Variants in COL17A1 observed in about 807,000 individuals in gnomAD.
The protein encoded by COL17A1 is collagen type XVII alpha 1 chain.
In COL17A1, 181 loss-of-function variants were observed where a neutral mutation model predicts 218.4. The ratio of observed to expected loss-of-function variants is 0.83; its 90% CI spans 0.73 to 0.94. COL17A1 has a LOEUF of 0.94. Among genes scored for constraint, COL17A1 ranks in the 40% least tolerant of loss-of-function variants. COL17A1 has a pLI of 0.00. For missense variants in COL17A1, 1,924 were observed against 1,945.9 expected, an observed-to-expected ratio of 0.99 and a Z score of 0.21; for synonymous variants, 721 against 731.0, an observed-to-expected ratio of 0.99 and a Z score of 0.22.
intron 10 of COL17A1, 26 bp downstream of exon 10, chr10:104,064,412 G>C (rs2086608615): frequency 6.2e-7 from 1 of 1,613,852 alleles, no homozygotes; most frequent in Non-Finnish European, 8.5e-7. Flanking sequence ...AGGGGTGAGA[G>C]AGGGTGTGGG....
At chr10:104,078,800 A>G (rs1035252274) in intron 2 of COL17A1, among the ~76,000 whole-genome samples, 1 of 152,198 alleles carries the variant, frequency 6.6e-6, no homozygotes, top group Non-Finnish European at 1.5e-5. Context: ...ATAAGTTTAT[A>G]TCTCTTTGGA....
chr10:104,056,213 G>A (rs756150605), intron 17 of COL17A1, among the ~76,000 whole-genome samples: 48 of 152,322 alleles, frequency 3.2e-4, no homozygotes, highest in Non-Finnish European at 5.9e-4. Context: ...TGGCCTGGGA[G>A]TCAGTCTTCT....
chr10:104,045,062 G>A (rs151289147), intron 33 of COL17A1, among the ~76,000 whole-genome samples: 13 of 152,076 alleles, frequency 8.5e-5, no homozygotes, highest in African/African-American at 1.4e-4. Flanking sequence ...GTTCAGGAGC[G>A]TGTTGGAATC....
At chr10:104,036,341 G>A (rs866864693) in intron 48 of COL17A1, 151 bp downstream of exon 48, 1 of 1,166,506 alleles carries the variant, frequency 8.6e-7, no homozygotes. Flanking sequence ...CAGGCTCACA[G>A]GTTTGAACGG....
chr10:104,032,336 C>T, intron 55 of COL17A1, 46 bp from the exon 56 acceptor site: 6 of 1,556,668 alleles, frequency 3.9e-6, no homozygotes, highest in Non-Finnish European at 5.3e-6. Context: ...ATCTTGTGGC[C>T]TGTGGGGATC....
intron 46 of COL17A1, among the ~76,000 whole-genome samples, 186 bp downstream of exon 46, chr10:104,037,450 C>T (rs563666152): frequency 6.6e-6 from 1 of 152,264 alleles, no homozygotes; most frequent in African/African-American, 2.4e-5. Flanking sequence ...CCAGCGTGGC[C>T]GCCCTGAATC....
chr10:104,072,134 C>T (rs1406055116), intron 7 of COL17A1, 55 bp from the exon 8 acceptor site: 2 of 1,611,604 alleles, frequency 1.2e-6, no homozygotes, highest in African/African-American at 2.7e-5. Flanking sequence ...AGATCACAAT[C>T]CCTGACACTG....
intron 5 of COL17A1, among the ~76,000 whole-genome samples, 165 bp from the exon 6 acceptor site, chr10:104,074,396 A>G (rs2086692554): frequency 1.3e-5 from 2 of 152,228 alleles, no homozygotes; most frequent in African/African-American, 4.8e-5. Context: ...AGCCAGGCTC[A>G]TGATGTAAAA....
Position 104,036,044 on chromosome 10 carries a change from A to C in COL17A1, c.3418+448T>G, listed in dbSNP as rs561939233. ...TGTGTCTGAGTATGGAAGTGTGTGTATAGGAGTGTGTGTATGGGAGTATGT... is the reference window on the plus strand; with the variant it reads ...TGTGTCTGAGTATGGAAGTGTGTGTCTAGGAGTGTGTGTATGGGAGTATGT... On this transcript the variant is annotated intron_variant, in intron 48 of 55. Coordinates refer to ENST00000648076, the MANE Select transcript of COL17A1 (RefSeq NM_000494.4). Among the ~76,000 whole-genome samples, 11 of 48,836 alleles carry C rather than the reference A, an allele frequency of 2.3e-4. 1 individual carries two copies. The highest frequency in any genetic ancestry group is 6.9e-4 in the African/African-American group (9 of 13,066). The allele number at this position is 48,836 out of a possible 152,430, so 32.0% of individuals were successfully genotyped here. A position where few individuals can be genotyped will look rare whatever the true frequency, so the allele number is the denominator to read the frequency against.
intron 48 of COL17A1, among the ~76,000 whole-genome samples, chr10:104,036,181 GAAGTGA>G (rs1564671514): frequency 2.6e-3 from 1 of 380 alleles, no homozygotes; most frequent in Non-Finnish European, 7.1e-3. Flanking sequence ...TGTGTGTATG[GAAGTGA>G]GTGTGTGTGT....
At chr10:104,038,369 T>A (rs1382485433) in intron 45 of COL17A1, 37 bp downstream of exon 45, 9 of 1,613,290 alleles carry the variant, frequency 5.6e-6, no homozygotes, top group Non-Finnish European at 7.6e-6. Flanking sequence ...TATCTCCATG[T>A]TCTTGTCCCC....
rs776673961 is a variant in COL17A1, at chr10:104,073,243, A to T, written c.382T>A (p.Ser128Thr). ...TGACTCCGTCCTCTGGTTGAAGAAG[A>T]TGCTGAGAAACAAAGAAATGCATTT... ...SPEYPRKEFA[S>T]SSTRGRSQTR... The change falls in exon 7 of 56, where the codon TCT (serine) becomes ACT (threonine). Residue 128 changes from serine (S) to threonine (T), a missense_variant and splice_region_variant. Ser to Thr is a moderately conservative substitution (Grantham distance 58, BLOSUM62 1). Transcript: ENST00000648076. The T allele has an allele frequency of 4.3e-5, 69 of 1,613,744 alleles. No homozygotes were observed. The highest frequency in any genetic ancestry group is 5.7e-5 in the Non-Finnish European group (67 of 1,179,842).
In COL17A1 at chr10:104,054,966, C is replaced by A. The variant is rs370862024; in HGVS notation, c.1744+15G>T. The A allele has an allele frequency of 5.0e-6, 8 of 1,613,942 alleles. No individual in the cohort carries two copies. Among genetic ancestry groups the A allele is most frequent in the Non-Finnish European group, 6.8e-6 (8 of 1,180,012 alleles). ...TTGCTAATATTTAAGGTAAAAATGCCCATGTTATAATTACCTTTAGGGCCT... is the reference window on the plus strand; with the variant it reads ...TTGCTAATATTTAAGGTAAAAATGCACATGTTATAATTACCTTTAGGGCCT... On this transcript the variant is annotated intron_variant, in intron 20 of 55. Transcript: ENST00000648076.
In COL17A1 at chr10:104,035,294, G is replaced by A; in HGVS notation, c.3588C>T (p.Ile1196=). The change falls in exon 50 of 56, where the codon ATC becomes ATT. Residue 1196 remains isoleucine (I), a synonymous_variant. Transcript: ENST00000648076. ...AGTAAGACGAGAGGTCCTCCACGCT[G>A]ATGCTGGACCACACATTGCCTGGGA... The part of the protein sequence containing the change: ...PGIPGNVWSS[I]SVEDLSSYLH... 6.2e-7 allele frequency: 1 copy of A among 1,614,140 alleles called. No homozygotes were observed. Among genetic ancestry groups the A allele is most frequent in the Non-Finnish European group, 8.5e-7 (1 of 1,180,000 alleles).
At chr10:104,037,365 C>T (rs1022671619) in intron 46 of COL17A1, among the ~76,000 whole-genome samples, 2 of 151,542 alleles carry the variant, frequency 1.3e-5, no homozygotes, top group African/African-American at 4.9e-5. Context: ...TGCTGCCAAC[C>T]TTCATGCACA....
chr10:104,039,518 C>T lies in COL17A1; in HGVS notation c.2823G>A (p.Gly941=), dbSNP rs2134581810. The part of the protein sequence containing the change: ...EQGLPGFSTS[G]SSSFGLNLQG... ...GAAGGTTGAGTCCGAAAGAACTGGACCCTGGAAGCCAACAACACACACAGT... is the reference window on the plus strand; with the variant it reads ...GAAGGTTGAGTCCGAAAGAACTGGATCCTGGAAGCCAACAACACACACAGT... The change falls in exon 43 of 56, where the codon GGG becomes GGA. Residue 941 remains glycine, a splice_region_variant and synonymous_variant. Coordinates refer to ENST00000648076, the MANE Select transcript of COL17A1 (RefSeq NM_000494.4). 1.9e-6 allele frequency: 3 copies of T among 1,614,088 alleles called. No individual in the cohort carries two copies. The highest frequency in any genetic ancestry group is 2.2e-5 in the East Asian group (1 of 44,864).
intron 48 of COL17A1, among the ~76,000 whole-genome samples, chr10:104,036,130 ATAT>A (rs2086293280): frequency 4.1e-3 from 1 of 244 alleles, no homozygotes; most frequent in South Asian, 0.17. Context: ...GAGTGTGTGT[ATAT>A]GTGTGTGTAT....
In COL17A1 at chr10:104,040,398, G is replaced by C; in HGVS notation, c.2714C>G (p.Ser905Cys). 1 of 1,610,098 alleles carries C rather than the reference G, an allele frequency of 6.2e-7. No individual in the cohort carries two copies. The highest frequency in any genetic ancestry group is 2.2e-5 in the East Asian group (1 of 44,866). ...SFLSNSETFL[S>C]GPPGPPGPPG... ...GGGGCCAGGTGGGCCTGGGGGGCCG[G>C]AGAGGAAGGTTTCTGCAGAGGAAGG... The change falls in exon 40 of 56, where the codon TCC (serine) becomes TGC (cysteine). Residue 905 changes from serine (S) to cysteine (C), a missense_variant. Ser to Cys is a moderately radical substitution (Grantham distance 112). Coordinates refer to ENST00000648076, the MANE Select transcript of COL17A1 (RefSeq NM_000494.4).
At chr10:104,075,030 G>GTATGTTCCTGGTCTCCCCT (rs2086698490) in intron 5 of COL17A1, among the ~76,000 whole-genome samples, 1 of 152,166 alleles carries the variant, frequency 6.6e-6, no homozygotes, top group Non-Finnish European at 1.5e-5. Context: ...CAGCATTGCT[G>GTATGTTCCTGGTCTCCCCT]TATGTTCCTG....
Sources: allele counts gnomAD v4.1 joint callset (sites outside exome capture counted in the v4.1 genomes callset), GRCh38; gene constraint gnomAD v4.1.1; transcripts MANE v1.5; gene names NCBI Gene and HGNC (gene_info 2026-07-23, HGNC 2026-07-21).